Variants in THADA observed in about 807,000 individuals in gnomAD.
The protein encoded by THADA is tRNA (32-2'-O)-methyltransferase regulator THADA.
THADA carries 213 observed loss-of-function variants against 219.8 expected under a neutral mutation model. That is an observed-to-expected ratio of 0.97 (90% CI 0.87 to 1.09). The LOEUF is 1.09. Among genes scored for constraint, THADA ranks in the 50% least tolerant of loss-of-function variants. The pLI is 0.00. For missense variants in THADA, 2,956 were observed against 2,311.3 expected (o/e 1.28, Z -5.72); for synonymous variants, 1,018 against 828.9 (o/e 1.23, Z -3.92).
intron 22 of THADA, among the ~76,000 whole-genome samples, chr2:43,521,431 T>C (rs1692469832): frequency 6.6e-6 from 1 of 152,090 alleles, no homozygotes; most frequent in Admixed American, 6.5e-5. Flanking sequence ...TGGTTTGCTC[T>C]TGTAATCCCA....
chr2:43,581,659 A>T, intron 8 of THADA, 82 bp downstream of exon 8: 1 of 1,244,594 alleles, frequency 8.0e-7, no homozygotes, highest in Non-Finnish European at 1.1e-6. Context: ...ATCACATTTC[A>T]CACTATTAGT....
In THADA at chr2:43,518,550, T is replaced by A. The variant is rs116585342; in HGVS notation, c.3374+9329A>T. ...CCCAAGAACAAAACCAAGTACAGGG[T>A]TCAAAAGCAAGTATAGTTCAGGTTC... is the stretch of plus-strand genomic sequence containing the variant. On this transcript the variant is annotated intron_variant, in intron 22 of 37. Transcript: ENST00000405975. 7.2e-3 allele frequency among the ~76,000 whole-genome samples: 1,102 copies of A among 152,260 alleles called. 10 individuals are homozygous for A. The highest frequency in any genetic ancestry group is 0.011 in the Non-Finnish European group (732 of 68,010).
At chr2:43,474,513 T>A (rs989853755) in intron 26 of THADA, among the ~76,000 whole-genome samples, 6 of 152,166 alleles carry the variant, frequency 3.9e-5, no homozygotes, top group African/African-American at 1.4e-4. Context: ...ATGTCTGTAC[T>A]CCCCTTAGTA....
intron 8 of THADA, among the ~76,000 whole-genome samples, chr2:43,580,689 A>G (rs568649021): frequency 1.6e-3 from 243 of 152,092 alleles, no homozygotes; most frequent in Non-Finnish European, 2.9e-3. Context: ...AGCCTGGCCA[A>G]CATGGTGAAA....
At chr2:43,411,630 G>A (rs936298593) in intron 28 of THADA, among the ~76,000 whole-genome samples, 5 of 152,022 alleles carry the variant, frequency 3.3e-5, no homozygotes, top group African/African-American at 1.2e-4. Flanking sequence ...CCAAATCAGT[G>A]GATTATTTTT....
At chr2:43,562,098 T>C (rs2103947989) in intron 15 of THADA, 1 of 152,368 alleles carries the variant, frequency 6.6e-6, no homozygotes, top group South Asian at 2.1e-4. Context: ...TAAATTCCAC[T>C]TACTAATGGT....
rs10221689 is a variant in THADA at position 43,468,149 on chromosome 2, A to G, written c.3836+17085T>C. Among the ~76,000 whole-genome samples the G allele has an allele frequency of 6.7e-3, 1,020 of 152,340 alleles. 16 individuals carry two copies. The highest frequency in any genetic ancestry group is 0.024 in the African/African-American group (983 of 41,566). On this transcript the variant is annotated intron_variant, in intron 26 of 37. Transcript: ENST00000405975. ...TTTTTTGTTGTTTATATTTTAAATA[A>G]ATGAAAATAGCCAGTCACACGGTGA...
At chr2:43,281,039 CACTGG>C (rs1673295563) in intron 35 of THADA, among the ~76,000 whole-genome samples, 1 of 152,158 alleles carries the variant, frequency 6.6e-6, no homozygotes, top group Non-Finnish European at 1.5e-5. Flanking sequence ...GGAGGGTTAT[CACTGG>C]AGGGCCATGG....
intron 26 of THADA, among the ~76,000 whole-genome samples, chr2:43,468,196 AG>A (rs1228039211): frequency 1.3e-5 from 2 of 152,222 alleles, no homozygotes; most frequent in African/African-American, 4.8e-5. Flanking sequence ...TCATTGTTTC[AG>A]CTTTTTGAGA....
chr2:43,289,684 C>T (rs547979243), intron 34 of THADA, among the ~76,000 whole-genome samples: 1 of 152,256 alleles, frequency 6.6e-6, no homozygotes, highest in African/African-American at 2.4e-5. Context: ...TGGAGTCTTG[C>T]TCTGTTGCCC....
chr2:43,282,074 T>C (rs1410393164), intron 35 of THADA, among the ~76,000 whole-genome samples: 1 of 152,212 alleles, frequency 6.6e-6, no homozygotes, highest in African/African-American at 2.4e-5. Context: ...CTATTTCTCA[T>C]GTTCTTGTAG....
intron 36 of THADA, among the ~76,000 whole-genome samples, chr2:43,269,359 G>A (rs1671877534): frequency 6.6e-6 from 1 of 152,196 alleles, no homozygotes. Flanking sequence ...TTGTCTCTCT[G>A]GGGATTAGTC....
chr2:43,236,577 C>T (rs1668053732), intron 36 of THADA, among the ~76,000 whole-genome samples: 1 of 152,176 alleles, frequency 6.6e-6, no homozygotes, highest in South Asian at 2.1e-4. Flanking sequence ...TGCTGAGAGG[C>T]TGGGCTCAGT....
intron 28 of THADA, among the ~76,000 whole-genome samples, chr2:43,403,731 C>T (rs1198642055): frequency 6.6e-6 from 1 of 152,178 alleles, no homozygotes; most frequent in Admixed American, 6.5e-5. Context: ...AAAGGACCAT[C>T]CACTTGCTCT....
At chr2:43,592,242 A>G in intron 2 of THADA, 75 bp downstream of exon 2, 1 of 1,105,816 alleles carries the variant, frequency 9.0e-7, no homozygotes, top group Non-Finnish European at 1.3e-6. Context: ...ATTATATGCT[A>G]GGGGTCCCAG....
chr2:43,571,925 GAA>G, intron 12 of THADA, 63 bp from the exon 13 acceptor site: 4 of 1,529,544 alleles, frequency 2.6e-6, no homozygotes, highest in Non-Finnish European at 1.8e-6. Context: ...TAAATCACTT[GAA>G]TTGCTTACTT....
At chr2:43,493,707 G>A (rs1021433550) in intron 25 of THADA, among the ~76,000 whole-genome samples, 2 of 152,080 alleles carry the variant, frequency 1.3e-5, no homozygotes, top group African/African-American at 2.4e-5. Context: ...GTAAATTCTC[G>A]GGTTCCACAA....
At chr2:43,459,817 A>G (rs747140648) in intron 26 of THADA, among the ~76,000 whole-genome samples, 3 of 152,160 alleles carry the variant, frequency 2.0e-5, no homozygotes, top group Non-Finnish European at 4.4e-5. Context: ...ACTACTGTAG[A>G]CTTGTTTTTT....
At chr2:43,529,632 T>C (rs1241429681) in intron 21 of THADA, among the ~76,000 whole-genome samples, 2 of 152,212 alleles carry the variant, frequency 1.3e-5, no homozygotes, top group Non-Finnish European at 2.9e-5. Context: ...TATTGTCTTT[T>C]AAAAATCAAG....
Sources: gnomAD v4.1 joint callset for allele counts (sites outside exome capture counted in the v4.1 genomes callset) on GRCh38, gnomAD v4.1.1 for gene constraint, MANE v1.5 for transcripts, NCBI Gene and HGNC (gene_info 2026-07-23, HGNC 2026-07-21) for gene names.